The following CSMD1 variants were observed in gnomAD, a reference collection of about 807,000 sequenced individuals.
CSMD1 encodes the protein CUB and sushi domain-containing protein 1.
In CSMD1, 213 loss-of-function variants were observed where a neutral mutation model predicts 417.5. The observed-to-expected ratio is 0.51, with a 90% confidence interval of 0.46 to 0.57. The LOEUF is 0.57. Ranked by LOEUF, CSMD1 falls within the 20% of genes least tolerant of loss-of-function variation. The pLI, the probability that CSMD1 is intolerant of heterozygous loss-of-function variation, is 0.00. For missense variants in CSMD1, 6,923 were observed against 4,529.7 expected (o/e 1.53, Z -15.17); for synonymous variants, 2,862 against 1,736.8 (o/e 1.65, Z -16.11).
intron 2 of CSMD1, among the ~76,000 whole-genome samples, chr8:4,538,286 C>T (rs752521554): frequency 8.6e-5 from 13 of 151,666 alleles, no homozygotes; most frequent in South Asian, 6.2e-4. Flanking sequence ...GTTATCCTAC[C>T]ACTACGACAT....
At chr8:3,461,702 G>A (rs755981481) in intron 12 of CSMD1, among the ~76,000 whole-genome samples, 1 of 152,174 alleles carries the variant, frequency 6.6e-6, no homozygotes, top group African/African-American at 2.4e-5. Flanking sequence ...CCTTGCAGGA[G>A]GACTGGCCCT....
rs118079744 is a variant in CSMD1, at chr8:4,398,308, A to G, written c.415+21645T>C. Among the ~76,000 whole-genome samples the G allele has an allele frequency of 3.9e-3, 583 of 150,650 alleles. 20 individuals are homozygous for G. The East Asian group carries it at 0.086, about 22-fold the overall frequency. ...GTGGACAATCGTCTCTACTCTTAGTATGAGTTTTAAATATTCGTTAGGACT... is the reference window on the plus strand; with the variant it reads ...GTGGACAATCGTCTCTACTCTTAGTGTGAGTTTTAAATATTCGTTAGGACT... On this transcript the variant is annotated intron_variant, in intron 3 of 69. Coordinates refer to ENST00000635120, the MANE Select transcript of CSMD1 (RefSeq NM_033225.6).
intron 26 of CSMD1, among the ~76,000 whole-genome samples, chr8:3,279,713 A>G (rs1289522031): frequency 6.6e-6 from 1 of 152,164 alleles, no homozygotes; most frequent in East Asian, 1.9e-4. Context: ...GAAACTTACA[A>G]TCATGGAGGA....
At chr8:4,379,594 G>A (rs1287154819) in intron 3 of CSMD1, among the ~76,000 whole-genome samples, 1 of 152,172 alleles carries the variant, frequency 6.6e-6, no homozygotes, top group African/African-American at 2.4e-5. Context: ...AGTAAAAACT[G>A]AAAAATGTTT....
rs574368716 is a variant in CSMD1, at chr8:3,675,241, T to G, written c.1009+33173A>C. Among the ~76,000 whole-genome samples the G allele has an allele frequency of 2.6e-5, 4 of 152,282 alleles. No homozygotes were observed. In the East Asian group the frequency reaches 7.7e-4, roughly 30 times the overall value. On this transcript the variant is annotated intron_variant, in intron 7 of 69. Transcript: ENST00000635120. ...GTTCTCCTTGCAGCACCTGTTGGTC[T>G]TCATTGACCTGGCTGGCATGTGCGT...
In CSMD1 at chr8:3,795,088, G is replaced by GATACATATCTATCATGTATAGCT. The variant is rs1563086933; in HGVS notation, c.819-41047_819-41046insAGCTATACATGATAGATATGTAT. On this transcript the variant is annotated intron_variant, in intron 5 of 69. Transcript: ENST00000635120. ...TATATATCTATCATGTACAGCTATA[G>GATACATATCTATCATGTATAGCT]ATATATATCTATCATGTACAGCTAT... is the stretch of plus-strand genomic sequence containing the variant. Among the ~76,000 whole-genome samples, 318 of 103,778 alleles carry GATACATATCTATCATGTATAGCT rather than the reference G, an allele frequency of 3.1e-3. 12 individuals are homozygous for GATACATATCTATCATGTATAGCT. The highest frequency in any genetic ancestry group is 7.7e-3 in the African/African-American group (221 of 28,612). 68.1% of individuals were successfully genotyped at this position (103,778 alleles called of 152,430 possible).
intron 37 of CSMD1, among the ~76,000 whole-genome samples, chr8:3,165,328 C>T (rs1162790992): frequency 1.3e-5 from 2 of 152,150 alleles, no homozygotes; most frequent in African/African-American, 4.8e-5. Flanking sequence ...ATTTTCCATA[C>T]TTTGCATTTC....
chr8:4,169,540 C>G (rs1479747738), intron 3 of CSMD1, among the ~76,000 whole-genome samples: 4 of 152,158 alleles, frequency 2.6e-5, no homozygotes, highest in African/African-American at 7.2e-5. Context: ...ATGGCAGCCT[C>G]CAAACTCATG....
rs148435299 is a variant in CSMD1 at position 3,596,609 on chromosome 8, A to G, written c.1098-10349T>C. On this transcript the variant is annotated intron_variant, in intron 8 of 69. Transcript: ENST00000635120. Reference sequence around the variant, plus strand: ...TCGGCAAATATTTCCTCCCGGGCTTATATCTACACTTGGCAAAACTTTGCA... The same window carrying G: ...TCGGCAAATATTTCCTCCCGGGCTTGTATCTACACTTGGCAAAACTTTGCA... Among the ~76,000 whole-genome samples the G allele has an allele frequency of 1.3e-3, 192 of 152,292 alleles. 2 individuals carry two copies. The highest frequency in any genetic ancestry group is 4.6e-3 in the African/African-American group (190 of 41,566).
At chr8:4,358,949 C>G (rs1801594402) in intron 3 of CSMD1, among the ~76,000 whole-genome samples, 1 of 136,010 alleles carries the variant, frequency 7.4e-6, no homozygotes, top group East Asian at 2.0e-4. Flanking sequence ...TTCAGTACTA[C>G]ACTTCCAGAG....
At chr8:3,489,578 T>G (rs1443299878) in intron 11 of CSMD1, among the ~76,000 whole-genome samples, 2 of 152,208 alleles carry the variant, frequency 1.3e-5, no homozygotes, top group Non-Finnish European at 2.9e-5. Flanking sequence ...GAAAGTTACT[T>G]AACTTTCTTT....
rs185968718 is a variant in CSMD1, at chr8:4,646,651, C to G, written c.86-9093G>C. On this transcript the variant is annotated intron_variant, in intron 1 of 69. Coordinates refer to ENST00000635120, the MANE Select transcript of CSMD1 (RefSeq NM_033225.6). ...CCTCAACAATGAAGAAAGATTTCTG[C>G]GTCAACAAGGCATATTTTAAAATTG... Among the ~76,000 whole-genome samples the G allele has an allele frequency of 5.7e-4, 86 of 152,204 alleles. 1 individual carries two copies. The East Asian group carries it at 0.015, about 27-fold the overall frequency.
intron 5 of CSMD1, among the ~76,000 whole-genome samples, chr8:3,895,020 A>G (rs1018774523): frequency 1.3e-5 from 2 of 152,176 alleles, no homozygotes; most frequent in African/African-American, 2.4e-5. Flanking sequence ...AGTGGAGGCC[A>G]TTTGTGAGGT....
intron 10 of CSMD1, among the ~76,000 whole-genome samples, chr8:3,563,716 C>G (rs1180729685): frequency 6.6e-6 from 1 of 152,068 alleles, no homozygotes; most frequent in South Asian, 2.1e-4. Context: ...TAGTGAAACC[C>G]TGTTTTTAGT....
chr8:3,318,904 G>C (rs1435455535), intron 23 of CSMD1, among the ~76,000 whole-genome samples: 2 of 152,136 alleles, frequency 1.3e-5, no homozygotes, highest in Admixed American at 6.5e-5. Context: ...GGTCATGCTT[G>C]ATGGCAGGTG....
At chr8:4,331,859 T>TAA (rs546235220) in intron 3 of CSMD1, among the ~76,000 whole-genome samples, 1 of 152,102 alleles carries the variant, frequency 6.6e-6, no homozygotes, top group Non-Finnish European at 1.5e-5. Flanking sequence ...TCCATTTGCT[T>TAA]AAAAAAATAC....
At chr8:4,277,297 A>C (rs1394895014) in intron 3 of CSMD1, among the ~76,000 whole-genome samples, 1 of 152,080 alleles carries the variant, frequency 6.6e-6, no homozygotes, top group Non-Finnish European at 1.5e-5. Context: ...AATAAGCTTA[A>C]AAATCCACTG....
At chr8:4,707,142 C>A (rs1042028499) in intron 1 of CSMD1, among the ~76,000 whole-genome samples, 1 of 152,148 alleles carries the variant, frequency 6.6e-6, no homozygotes, top group South Asian at 2.1e-4. Flanking sequence ...TTACAGTGAT[C>A]TGGGTGAAAA....
intron 3 of CSMD1, among the ~76,000 whole-genome samples, chr8:4,176,992 C>T (rs1798083807): frequency 6.6e-6 from 1 of 151,928 alleles, no homozygotes; most frequent in African/African-American, 2.4e-5. Context: ...GAGACTTTAA[C>T]ACCCCACTGT....
Sources: allele counts gnomAD v4.1 joint callset (sites outside exome capture counted in the v4.1 genomes callset), GRCh38; gene constraint gnomAD v4.1.1; transcripts MANE v1.5; gene names NCBI Gene and HGNC (gene_info 2026-07-23, HGNC 2026-07-21).